The following BABAM2 variants were observed in gnomAD, a reference collection of about 807,000 sequenced individuals.
The protein encoded by BABAM2 is BRISC and BRCA1-A complex member 2.
BABAM2 carries 31 observed loss-of-function variants against 54.7 expected under a neutral mutation model. The ratio of observed to expected loss-of-function variants is 0.57; its 90% CI spans 0.43 to 0.77. BABAM2 has a LOEUF of 0.77. Ranked by LOEUF, BABAM2 falls within the 30% of genes least tolerant of loss-of-function variation. The pLI is 0.00. For missense variants in BABAM2, 364 were observed against 455.8 expected (o/e 0.80, Z 1.83); for synonymous variants, 167 against 162.9 (o/e 1.03, Z -0.19).
chr2:28,206,521 G>T (rs924484503), intron 7 of BABAM2, among the ~76,000 whole-genome samples: 3 of 152,124 alleles, frequency 2.0e-5, no homozygotes, highest in Non-Finnish European at 4.4e-5. Context: ...GGTTCTTGAT[G>T]GTGGTGATGA....
intron 7 of BABAM2, among the ~76,000 whole-genome samples, chr2:28,201,352 T>C (rs566171450): frequency 6.6e-5 from 10 of 152,208 alleles, no homozygotes; most frequent in Non-Finnish European, 1.2e-4. Flanking sequence ...ATATGGCTAA[T>C]GTGGACCCAA....
chr2:28,200,916 G>A (rs576505861), intron 7 of BABAM2, among the ~76,000 whole-genome samples: 7 of 152,148 alleles, frequency 4.6e-5, no homozygotes, highest in Admixed American at 1.3e-4. Flanking sequence ...CTACAGGTGC[G>A]CACCACCACA....
chr2:28,111,353 G>T (rs931868498), intron 6 of BABAM2, among the ~76,000 whole-genome samples: 3 of 151,736 alleles, frequency 2.0e-5, no homozygotes, highest in East Asian at 1.9e-4. Flanking sequence ...AGGTTGTTTG[G>T]TTTTTTTGTT....
Position 27,893,862 on chromosome 2 carries a change from C to T in BABAM2, c.-24-671C>T, listed in dbSNP as rs190799928. Among the ~76,000 whole-genome samples, 658 of 152,034 alleles carry T rather than the reference C, an allele frequency of 4.3e-3. 5 individuals carry two copies. Among genetic ancestry groups the T allele is most frequent in the Non-Finnish European group, 7.1e-3 (483 of 67,978 alleles). On this transcript the variant is annotated intron_variant, in intron 1 of 11. Coordinates refer to ENST00000379624, the MANE Select transcript of BABAM2 (RefSeq NM_199191.3). ...TACAAAAATTAGCTGGGCGTGGTGG[C>T]ATGTGCCTGTAGTCCCAGCTACTCG...
rs373172478 is a variant in BABAM2, at chr2:27,987,059, T to C, written c.206-934T>C. 3.3e-4 allele frequency among the ~76,000 whole-genome samples: 50 copies of C among 152,310 alleles called. No homozygotes were observed. The East Asian group carries it at 4.1e-3, about 12-fold the overall frequency. ...AAGTAATACTTCCATTATCACATGTTGAGAACTTACTATATGCTGGACACT... is the reference window on the plus strand; with the variant it reads ...AAGTAATACTTCCATTATCACATGTCGAGAACTTACTATATGCTGGACACT... On this transcript the variant is annotated intron_variant, in intron 3 of 11. Transcript: ENST00000379624.
chr2:27,975,467 C>A (rs1451441072), intron 3 of BABAM2, among the ~76,000 whole-genome samples: 3 of 152,024 alleles, frequency 2.0e-5, no homozygotes, highest in African/African-American at 7.2e-5. Flanking sequence ...CGCAAAGGCA[C>A]TTCAATGGCA....
At chr2:28,092,749 CCT>C (rs70953901) in intron 6 of BABAM2, among the ~76,000 whole-genome samples, 91 of 146,804 alleles carry the variant, frequency 6.2e-4, no homozygotes, top group South Asian at 3.9e-3. Context: ...TTCGTCTCTG[CCT>C]CTCTCTCTCT....
At position 28,026,832 on chromosome 2, in the gene BABAM2, A is replaced by ATT. The variant is rs1311915830; in HGVS notation, c.495+1412_495+1413insTT. On this transcript the variant is annotated intron_variant, in intron 5 of 11. Coordinates refer to ENST00000379624, the MANE Select transcript of BABAM2 (RefSeq NM_199191.3). ...TATATAAATATATATTTATATATAT[A>ATT]AATATATATAAATATATATTTATAT... is the stretch of plus-strand genomic sequence containing the variant. Among the ~76,000 whole-genome samples the ATT allele has an allele frequency of 3.9e-5, 2 of 51,030 alleles. 1 individual carries two copies. Among genetic ancestry groups the ATT allele is most frequent in the Non-Finnish European group, 7.7e-5 (2 of 26,068 alleles). The allele number at this position is 51,030 out of a possible 152,430, so 33.5% of individuals were successfully genotyped here.
intron 11 of BABAM2, among the ~76,000 whole-genome samples, chr2:28,337,571 C>T (rs763304567): frequency 3.9e-5 from 6 of 152,256 alleles, no homozygotes; most frequent in Non-Finnish European, 7.3e-5. Flanking sequence ...GGGCTGCCCC[C>T]GGTCCTGCCA....
chr2:28,114,977 A>G (rs1668484075), intron 6 of BABAM2, among the ~76,000 whole-genome samples: 2 of 152,230 alleles, frequency 1.3e-5, no homozygotes, highest in East Asian at 1.9e-4. Context: ...GTAGTCATTC[A>G]TATACACATT....
chr2:27,966,133 G>A (rs1670826506), intron 3 of BABAM2, among the ~76,000 whole-genome samples: 1 of 152,074 alleles, frequency 6.6e-6, no homozygotes, highest in African/African-American at 2.4e-5. Flanking sequence ...TTCATTAGAG[G>A]CATATAATAT....
chr2:27,994,600 A>G (rs976801062), intron 4 of BABAM2, among the ~76,000 whole-genome samples: 18 of 152,116 alleles, frequency 1.2e-4, no homozygotes, highest in South Asian at 2.1e-4. Flanking sequence ...CTCAATGTTT[A>G]TTTGTGAGTG....
At chr2:28,280,023 GA>G (rs1686222298) in intron 10 of BABAM2, among the ~76,000 whole-genome samples, 2 of 151,914 alleles carry the variant, frequency 1.3e-5, no homozygotes, top group Admixed American at 1.3e-4. Flanking sequence ...TGACTTATAA[GA>G]ACGCATTTGG....
At chr2:28,258,615 C>CTTTTTTTT (rs70956008) in intron 10 of BABAM2, among the ~76,000 whole-genome samples, 3,201 of 99,816 alleles carry the variant, frequency 0.032, 296 homozygotes, top group Non-Finnish European at 0.044. Flanking sequence ...TTTTTCTTTT[C>CTTTTTTTT]TTTTTTTTTT....
At chr2:28,077,416 T>C (rs1290832256) in intron 6 of BABAM2, among the ~76,000 whole-genome samples, 2 of 152,244 alleles carry the variant, frequency 1.3e-5, no homozygotes, top group Non-Finnish European at 2.9e-5. Context: ...ATAATTATCC[T>C]TGATTACAGA....
intron 7 of BABAM2, among the ~76,000 whole-genome samples, chr2:28,187,097 G>A (rs925746763): frequency 1.3e-5 from 2 of 152,122 alleles, no homozygotes; most frequent in Admixed American, 6.6e-5. Flanking sequence ...GAGCCACCGC[G>A]CCCAGCCGGA....
chr2:28,059,656 A>C (rs1678707398), intron 6 of BABAM2, among the ~76,000 whole-genome samples: 1 of 152,218 alleles, frequency 6.6e-6, no homozygotes, highest in Non-Finnish European at 1.5e-5. Flanking sequence ...AGAGTACATG[A>C]GGTAAAAACT....
At chr2:27,948,500 G>A (rs1669462559) in intron 3 of BABAM2, among the ~76,000 whole-genome samples, 1 of 152,198 alleles carries the variant, frequency 6.6e-6, no homozygotes, top group African/African-American at 2.4e-5. Flanking sequence ...GCTGGGTGTG[G>A]TGGCTCACGC....
At chr2:28,195,101 A>G (rs990330807) in intron 7 of BABAM2, among the ~76,000 whole-genome samples, 5 of 152,210 alleles carry the variant, frequency 3.3e-5, no homozygotes, top group African/African-American at 1.2e-4. Context: ...GCTTAAATGC[A>G]ATGGGATTTT....
Sources: gnomAD v4.1 joint callset for allele counts (sites outside exome capture counted in the v4.1 genomes callset) on GRCh38, gnomAD v4.1.1 for gene constraint, MANE v1.5 for transcripts, NCBI Gene and HGNC (gene_info 2026-07-23, HGNC 2026-07-21) for gene names.